Variants in CCDC3 observed in about 807,000 individuals in gnomAD.
CCDC3 encodes the protein coiled-coil domain containing 3.
In CCDC3, 24 loss-of-function variants were observed where a neutral mutation model predicts 21.4. That is an observed-to-expected ratio of 1.12 (90% CI 0.81 to 1.58). The LOEUF is 1.58. Ranked by LOEUF, CCDC3 falls within the 40% of genes most tolerant of loss-of-function variation. CCDC3 has a pLI of 0.00. For synonymous variants in CCDC3, 186 were observed against 166.0 expected (o/e 1.12, Z -0.93); for missense variants, 425 against 360.9 (o/e 1.18, Z -1.44).
intron 3 of CCDC3, among the ~76,000 whole-genome samples, chr10:13,085,380 C>A (rs1212855402): frequency 6.6e-6 from 1 of 152,202 alleles, no homozygotes; most frequent in Non-Finnish European, 1.5e-5. Context: ...ATGTCAGTTT[C>A]TTCTGCTAAC....
upstream of CCDC3, among the ~76,000 whole-genome samples, chr10:13,002,087 CT>C (rs1835866418): frequency 6.6e-6 from 1 of 152,214 alleles, no homozygotes; most frequent in African/African-American, 2.4e-5. Context: ...GAAACCAAAT[CT>C]GACTTTATAT....
chr10:13,051,867 C>G (rs1836612467), intron 4 of CCDC3, among the ~76,000 whole-genome samples: 1 of 152,094 alleles, frequency 6.6e-6, no homozygotes, highest in African/African-American at 2.4e-5. Context: ...GAGCTGACTT[C>G]CGGACTGAGC....
At chr10:13,052,979 CACACACATACACACACACA>C (rs1836631244) in intron 4 of CCDC3, among the ~76,000 whole-genome samples, 4 of 82,068 alleles carry the variant, frequency 4.9e-5, no homozygotes, top group African/African-American at 1.9e-4. Flanking sequence ...CACACACACA[CACACACATACACACACACA>C]CCTAGAAGTT....
intron 3 of CCDC3, among the ~76,000 whole-genome samples, chr10:13,086,726 A>G (rs942109974): frequency 6.6e-6 from 1 of 152,192 alleles, no homozygotes; most frequent in African/African-American, 2.4e-5. Flanking sequence ...GATTACAGGC[A>G]TGAGCCCCCG....
chr10:12,988,204 G>A (rs1246903755), intron 2 of CCDC3, among the ~76,000 whole-genome samples: 1 of 152,110 alleles, frequency 6.6e-6, no homozygotes, highest in Non-Finnish European at 1.5e-5. Flanking sequence ...AGAAGGCCAA[G>A]CCATTTTCAC....
Position 12,933,334 on chromosome 10 carries a change from T to C in CCDC3, c.550-34655A>G, listed in dbSNP as rs115878841. Among the ~76,000 whole-genome samples, 1,051 of 152,330 alleles carry C rather than the reference T, an allele frequency of 6.9e-3. 12 individuals carry two copies. The highest frequency in any genetic ancestry group is 0.024 in the African/African-American group (991 of 41,572). ...CTGATTCAATTTATTTAATAGATTA[T>C]AGGTCTATTCAGATTCTCTTTCTTT... On this transcript the variant is annotated intron_variant, in intron 2 of 2. Transcript: ENST00000378825.
In CCDC3 at chr10:13,001,552, G is replaced by C. The variant is rs1198191108; in HGVS notation, c.19C>G (p.Leu7Val). The C allele has an allele frequency of 1.6e-6, 2 of 1,260,364 alleles. No individual in the cohort carries two copies. Among genetic ancestry groups the C allele is most frequent in the Non-Finnish European group, 2.0e-6 (2 of 1,004,304 alleles). The allele number at this position is 1,260,364 out of a possible 1,614,324, so 78.1% of individuals were successfully genotyped here. A position where few individuals can be genotyped will look rare whatever the true frequency, so the allele number is the denominator to read the frequency against. ...GGACCCGCCAGGCAGAGCGCGGCGAGCAGCAGCTGGCGCAGCATGCCGGGC... is the reference window on the plus strand; with the variant it reads ...GGACCCGCCAGGCAGAGCGCGGCGACCAGCAGCTGGCGCAGCATGCCGGGC... MLRQLL[L>V]AALCLAGPPA... Residue 7 changes from leucine to valine, a missense_variant, in exon 1 of 3, where the codon CTC (leucine) becomes GTC (valine). Physicochemically the swap from Leu to Val is conservative, Grantham distance 32. Transcript: ENST00000378825.
chr10:12,947,940 C>T (rs1455925362), intron 2 of CCDC3, among the ~76,000 whole-genome samples: 1 of 152,188 alleles, frequency 6.6e-6, no homozygotes, highest in African/African-American at 2.4e-5. Context: ...CCCAAGATGT[C>T]TCACCTATTA....
intron 2 of CCDC3, among the ~76,000 whole-genome samples, chr10:12,986,119 C>T (rs1239578525): frequency 1.3e-5 from 2 of 152,194 alleles, no homozygotes; most frequent in African/African-American, 2.4e-5. Flanking sequence ...TACACATGTA[C>T]ATAAATGACT....
intron 2 of CCDC3, among the ~76,000 whole-genome samples, chr10:12,936,397 G>A (rs1734497626): frequency 6.6e-6 from 1 of 151,830 alleles, no homozygotes; most frequent in South Asian, 2.1e-4. Context: ...TCACTCTGTT[G>A]CCCAGGCTGG....
chr10:12,950,895 G>A (rs1348351435), intron 2 of CCDC3, among the ~76,000 whole-genome samples: 3 of 152,168 alleles, frequency 2.0e-5, no homozygotes, highest in Non-Finnish European at 2.9e-5. Flanking sequence ...ATGCCCAACT[G>A]GAGTAATCAT....
At chr10:13,084,938 T>C (rs1483135556) in intron 3 of CCDC3, among the ~76,000 whole-genome samples, 1 of 152,130 alleles carries the variant, frequency 6.6e-6, no homozygotes, top group Non-Finnish European at 1.5e-5. Context: ...AATCACGCCC[T>C]CCAACCAAGC....
At chr10:13,019,712 T>G (rs1018383486) in intron 5 of CCDC3, among the ~76,000 whole-genome samples, 1 of 152,128 alleles carries the variant, frequency 6.6e-6, no homozygotes, top group South Asian at 2.1e-4. Flanking sequence ...ATATGAACAC[T>G]GGGCTAGGCA....
intron 2 of CCDC3, among the ~76,000 whole-genome samples, chr10:12,972,390 G>T (rs1835356839): frequency 6.6e-6 from 1 of 152,082 alleles, no homozygotes; most frequent in East Asian, 1.9e-4. Context: ...TTTCCTGCTG[G>T]ATCTGAATCC....
intron 3 of CCDC3, among the ~76,000 whole-genome samples, chr10:13,090,031 T>TTAGA (rs1314262953): frequency 1.7e-3 from 13 of 7,838 alleles, no homozygotes; most frequent in African/African-American, 2.1e-3. Flanking sequence ...TAGTATTCCG[T>TTAGA]TAGATATATA....
chr10:13,072,134 C>G (rs143845419), intron 4 of CCDC3, among the ~76,000 whole-genome samples: 4 of 152,104 alleles, frequency 2.6e-5, no homozygotes, highest in Non-Finnish European at 4.4e-5. Flanking sequence ...CTGTCCTTAC[C>G]GTAACCTCCT....
intron 5 of CCDC3, among the ~76,000 whole-genome samples, chr10:13,018,414 C>A (rs960929825): frequency 3.9e-5 from 6 of 152,048 alleles, no homozygotes; most frequent in African/African-American, 1.4e-4. Context: ...AGTATCTGCC[C>A]AGGGAATGTG....
At chr10:12,911,366 A>G (rs1253046533) in intron 2 of CCDC3, among the ~76,000 whole-genome samples, 1 of 152,230 alleles carries the variant, frequency 6.6e-6, no homozygotes, top group Admixed American at 6.5e-5. Flanking sequence ...TCCTCAACAG[A>G]GTCACTGCTG....
chr10:12,932,187 A>C (rs897034471), intron 2 of CCDC3, among the ~76,000 whole-genome samples: 1 of 152,238 alleles, frequency 6.6e-6, no homozygotes, highest in African/African-American at 2.4e-5. Context: ...CCTAGTATAA[A>C]TGATAATGTG....
Sources: allele counts gnomAD v4.1 joint callset (sites outside exome capture counted in the v4.1 genomes callset), GRCh38; gene constraint gnomAD v4.1.1; transcripts MANE v1.5; gene names NCBI Gene and HGNC (gene_info 2026-07-23, HGNC 2026-07-21).